Variants in NCOR1 observed in about 807,000 individuals in gnomAD.
The protein encoded by NCOR1 is nuclear receptor corepressor 1, also known as protein phosphatase 1, regulatory subunit 109.
In NCOR1, 63 loss-of-function variants were observed where a neutral mutation model predicts 288.1. The ratio of observed to expected loss-of-function variants is 0.22; its 90% confidence interval spans 0.18 to 0.27. NCOR1 has a LOEUF of 0.27. NCOR1 is among the 10% of genes least tolerant of loss of function. The pLI, the probability that NCOR1 is intolerant of heterozygous loss-of-function variation, is 1.00. For missense variants in NCOR1, 2,397 were observed against 3,019.2 expected, an observed-to-expected ratio of 0.79 and a Z score of 4.83; for synonymous variants, 1,007 against 1,065.9, an observed-to-expected ratio of 0.94 and a Z score of 1.08.
At chr17:16,185,008 C>CAAAA (rs34725978) in intron 3 of NCOR1, among the ~76,000 whole-genome samples, 6 of 97,354 alleles carry the variant, frequency 6.2e-5, no homozygotes, top group Admixed American at 1.2e-4. Flanking sequence ...GAATCTTAAA[C>CAAAA]AAAAAAAAAA....
At chr17:16,191,985 CAGG>C (rs1311731472) in intron 2 of NCOR1, 1 of 151,194 alleles carries the variant, frequency 6.6e-6, no homozygotes, top group African/African-American at 2.4e-5. Flanking sequence ...GTCCCAGAAG[CAGG>C]AGGACTACCA....
At chr17:16,042,414 T>A (rs1275770429) in intron 42 of NCOR1, among the ~76,000 whole-genome samples, 1 of 152,156 alleles carries the variant, frequency 6.6e-6, no homozygotes, top group East Asian at 1.9e-4. Context: ...CCAATGATAA[T>A]CCTTAGATAC....
chr17:16,166,410 G>A (rs1289724909), intron 4 of NCOR1, among the ~76,000 whole-genome samples: 1 of 152,176 alleles, frequency 6.6e-6, no homozygotes, highest in Non-Finnish European at 1.5e-5. Flanking sequence ...GCCAGGCACA[G>A]TGGCTCATGC....
intron 5 of NCOR1, among the ~76,000 whole-genome samples, chr17:16,164,322 C>CA (rs972329967): frequency 1.6e-4 from 24 of 151,092 alleles, no homozygotes; most frequent in African/African-American, 5.6e-4. Context: ...AGTGACAGGC[C>CA]AAAAACTAGG....
intron 21 of NCOR1, among the ~76,000 whole-genome samples, chr17:16,092,302 T>G (rs540416623): frequency 1.6e-4 from 24 of 152,136 alleles, no homozygotes; most frequent in African/African-American, 5.5e-4. Context: ...CCAGCCTGGC[T>G]GGTATTTTGT....
chr17:16,096,219 T>TG (rs2066588770), intron 21 of NCOR1, among the ~76,000 whole-genome samples: 1 of 152,122 alleles, frequency 6.6e-6, no homozygotes, highest in South Asian at 2.1e-4. Context: ...TTTGTTCACT[T>TG]GTTTGTCTGC....
At chr17:16,100,219 G>A in intron 20 of NCOR1, among the ~76,000 whole-genome samples, 1 of 152,058 alleles carries the variant, frequency 6.6e-6, no homozygotes, top group Non-Finnish European at 1.5e-5. Flanking sequence ...GAAACACCAG[G>A]AAATAAAATA....
At chr17:16,178,511 A>C (rs1260124913) in intron 3 of NCOR1, among the ~76,000 whole-genome samples, 3 of 150,270 alleles carry the variant, frequency 2.0e-5, no homozygotes, top group Non-Finnish European at 4.4e-5. Context: ...AAAAAAAAAA[A>C]AAAAAAAAAA....
intron 1 of NCOR1, among the ~76,000 whole-genome samples, chr17:16,214,863 T>G: frequency 6.6e-6 from 1 of 152,234 alleles, no homozygotes; most frequent in East Asian, 1.9e-4. Context: ...GCCTTCGCCA[T>G]TACACCCTGA....
At chr17:16,129,101 A>G (rs556563169) in intron 14 of NCOR1, among the ~76,000 whole-genome samples, 2 of 152,214 alleles carry the variant, frequency 1.3e-5, no homozygotes, top group Non-Finnish European at 2.9e-5. Flanking sequence ...ATGCATGTCA[A>G]TGGCTTTTCT....
chr17:16,208,818 C>A (rs2091847241), intron 1 of NCOR1, among the ~76,000 whole-genome samples: 1 of 151,870 alleles, frequency 6.6e-6, no homozygotes, highest in South Asian at 2.1e-4. Context: ...CCTGAAGCCT[C>A]CAGAGACAGA....
chr17:16,104,826 G>A (rs755187219), intron 19 of NCOR1, among the ~76,000 whole-genome samples: 3 of 152,070 alleles, frequency 2.0e-5, no homozygotes, highest in Non-Finnish European at 1.5e-5. Context: ...GTGACTAAAC[G>A]ACAAAACTGA....
chr17:16,127,439 A>ATATATACATGTG (rs1381719312), intron 14 of NCOR1, among the ~76,000 whole-genome samples: 1 of 144,082 alleles, frequency 6.9e-6, no homozygotes, highest in African/African-American at 2.6e-5. Flanking sequence ...ATGTGTATGT[A>ATATATACATGTG]TATATGTGTA....
chr17:16,092,688 TATATA>T (rs1453357232), intron 21 of NCOR1, among the ~76,000 whole-genome samples: 184 of 12,058 alleles, frequency 0.015, 1 homozygote, highest in Non-Finnish European at 0.02. Flanking sequence ...TATATATATA[TATATA>T]TATTTTTTTT....
chr17:16,076,268 G>A (rs1304968403), intron 26 of NCOR1, among the ~76,000 whole-genome samples: 2 of 152,182 alleles, frequency 1.3e-5, no homozygotes, highest in East Asian at 3.8e-4. Context: ...GCAAATTCAA[G>A]TGATTTTCTT....
At chr17:16,127,282 C>CGTGT (rs1555686919) in intron 14 of NCOR1, among the ~76,000 whole-genome samples, 16 of 25,402 alleles carry the variant, frequency 6.3e-4, no homozygotes, top group African/African-American at 1.4e-3. Flanking sequence ...TGTATATATA[C>CGTGT]GTGTATATAT....
intron 1 of NCOR1, among the ~76,000 whole-genome samples, chr17:16,214,909 C>T (rs941926374): frequency 5.3e-5 from 8 of 152,248 alleles, no homozygotes; most frequent in South Asian, 2.1e-4. Context: ...ATTTACTCTG[C>T]ACGCACTTGT....
chr17:16,040,642 G>A (rs2057380778), intron 42 of NCOR1, 148 bp from the exon 43 acceptor site: 2 of 790,594 alleles, frequency 2.5e-6, no homozygotes, highest in Non-Finnish European at 4.1e-6. Context: ...AAGATAAAAT[G>A]GAAGTATTTT....
intron 1 of NCOR1, among the ~76,000 whole-genome samples, chr17:16,200,996 G>A (rs2090717315): frequency 6.6e-6 from 1 of 152,212 alleles, no homozygotes; most frequent in Non-Finnish European, 1.5e-5. Context: ...CAAGACCAGA[G>A]TGGTGCTATA....
Sources: gnomAD v4.1 joint callset for allele counts (sites outside exome capture counted in the v4.1 genomes callset) on GRCh38, gnomAD v4.1.1 for gene constraint, MANE v1.5 for transcripts, NCBI Gene and HGNC (gene_info 2026-07-23, HGNC 2026-07-21) for gene names.